Variants in C9orf153 observed in about 807,000 individuals in gnomAD.
The protein encoded by C9orf153 is chromosome 9 open reading frame 153, also known as uncharacterized protein C9orf153.
A neutral mutation model predicts 9.0 loss-of-function variants in C9orf153; 10 were observed. The ratio of observed to expected loss-of-function variants is 1.11; its 90% CI spans 0.69 to 1.89. The LOEUF (loss-of-function observed/expected upper bound fraction) is 1.89, where lower values mean the gene tolerates loss of function less well. Ranked by LOEUF, C9orf153 falls within the 40% of genes most tolerant of loss-of-function variation. The pLI is 0.00. For missense variants in C9orf153, 108 were observed against 111.0 expected (o/e 0.97, Z 0.12); for synonymous variants, 35 against 37.3 (o/e 0.94, Z 0.23).
intron 1 of C9orf153, among the ~76,000 whole-genome samples, chr9:86,231,167 A>G (rs530545089): frequency 1.2e-3 from 189 of 152,310 alleles, no homozygotes; most frequent in African/African-American, 4.3e-3. Flanking sequence ...CAGCAGCATA[A>G]GCAACCTCAG....
intron 1 of C9orf153, among the ~76,000 whole-genome samples, chr9:86,254,331 T>C (rs1825063108): frequency 6.6e-6 from 1 of 152,192 alleles, no homozygotes; most frequent in Non-Finnish European, 1.5e-5. Flanking sequence ...TATTTTCAGA[T>C]TTGCATCTCA....
intron 1 of C9orf153, among the ~76,000 whole-genome samples, chr9:86,231,525 C>T (rs1824468658): frequency 6.7e-6 from 1 of 149,008 alleles, no homozygotes; most frequent in Admixed American, 6.6e-5. Flanking sequence ...CTCTTCCTTC[C>T]TGAGTAAAGT....
intron 1 of C9orf153, among the ~76,000 whole-genome samples, chr9:86,234,551 C>G (rs1824538141): frequency 6.6e-6 from 1 of 152,202 alleles, no homozygotes; most frequent in South Asian, 2.1e-4. Flanking sequence ...AATCCTTACA[C>G]AAAATGAACC....
At chr9:86,249,950 A>G (rs1384669379) in intron 1 of C9orf153, among the ~76,000 whole-genome samples, 2 of 152,148 alleles carry the variant, frequency 1.3e-5, no homozygotes, top group African/African-American at 4.8e-5. Flanking sequence ...TAGGGGGAAA[A>G]CCATAGTGAT....
At position 86,251,914 on chromosome 9, in the gene C9orf153, T is replaced by TACACACACACACACACACACACACAC. The variant is rs34620205; in HGVS notation, c.-27+7610_-27+7635dup. Among the ~76,000 whole-genome samples the TACACACACACACACACACACACACAC allele has an allele frequency of 1.1e-3, 156 of 140,236 alleles. 2 individuals are homozygous for TACACACACACACACACACACACACAC. The highest frequency in any genetic ancestry group is 3.5e-3 in the African/African-American group (124 of 35,912). The allele number at this position is 140,236 out of a possible 152,430, so 92.0% of individuals were successfully genotyped here. A position where few individuals can be genotyped will look rare whatever the true frequency, so the allele number is the denominator to read the frequency against. On this transcript the variant is annotated intron_variant, in intron 1 of 3. Transcript: ENST00000339137. ...GGTTTTTCTTTAGCTTTAGGTAAAC[T>TACACACACACACACACACACACACAC]ACACACACACACACACACACACACA... is the stretch of plus-strand genomic sequence containing the variant.
At chr9:86,241,121 C>T (rs1284818371) in intron 1 of C9orf153, among the ~76,000 whole-genome samples, 1 of 152,134 alleles carries the variant, frequency 6.6e-6, no homozygotes. Flanking sequence ...GAGACAGCCC[C>T]CTCTTTGCTT....
chr9:86,254,644 T>C (rs1048787659), intron 1 of C9orf153, among the ~76,000 whole-genome samples: 35 of 152,228 alleles, frequency 2.3e-4, no homozygotes, highest in African/African-American at 8.0e-4. Context: ...TCTGTTTCCA[T>C]AGAAATGCCT....
chr9:86,247,649 C>T (rs1013967499), intron 1 of C9orf153, among the ~76,000 whole-genome samples: 1 of 152,154 alleles, frequency 6.6e-6, no homozygotes, highest in Non-Finnish European at 1.5e-5. Context: ...CTCTCCACAC[C>T]AGCCTGGACA....
chr9:86,221,332 G>A lies in C9orf153; in HGVS notation c.*356C>T, dbSNP rs142023683. On this transcript the variant is annotated 3_prime_UTR_variant, in exon 4 of 4. Transcript: ENST00000339137. Reference sequence around the variant, plus strand: ...ACTTCTCACGTTAGCAGATTAAATCGGACCTTTTGCTCTGTATTAACGGCT... The same window carrying A: ...ACTTCTCACGTTAGCAGATTAAATCAGACCTTTTGCTCTGTATTAACGGCT... 1.3e-3 allele frequency: 249 copies of A among 192,060 alleles called. 3 individuals are homozygous for A. The highest frequency in any genetic ancestry group is 5.5e-3 in the African/African-American group (235 of 42,976). 11.9% of individuals were successfully genotyped at this position (192,060 alleles called of 1,614,324 possible).
intron 1 of C9orf153, among the ~76,000 whole-genome samples, chr9:86,240,935 C>T (rs7865328): frequency 0.26 from 39,791 of 151,634 alleles, 5,455 homozygotes; most frequent in East Asian, 0.42. Flanking sequence ...TCTGGAGCTC[C>T]TGACCTCATG....
At chr9:86,251,419 G>A (rs746168580) in intron 1 of C9orf153, among the ~76,000 whole-genome samples, 52 of 151,914 alleles carry the variant, frequency 3.4e-4, no homozygotes, top group Non-Finnish European at 5.7e-4. Flanking sequence ...TACTTTCTAG[G>A]TTTTTCACTG....
intron 1 of C9orf153, among the ~76,000 whole-genome samples, chr9:86,237,556 T>C (rs1254056881): frequency 1.3e-5 from 2 of 152,158 alleles, no homozygotes; most frequent in East Asian, 3.8e-4. Context: ...TAGGTGGGAC[T>C]ACATGTGCGT....
At chr9:86,234,321 C>A (rs10868398) in intron 1 of C9orf153, among the ~76,000 whole-genome samples, 24,137 of 152,080 alleles carry the variant, frequency 0.16, 2,241 homozygotes, top group East Asian at 0.46. Context: ...ATGGAGAGAA[C>A]CACAATGTTG....
chr9:86,244,229 C>G (rs7848944), intron 1 of C9orf153, among the ~76,000 whole-genome samples: 1 of 151,918 alleles, frequency 6.6e-6, no homozygotes, highest in African/African-American at 2.4e-5. Flanking sequence ...TATCTTTCAC[C>G]TTTTCTCTTT....
rs561068253 is a variant in C9orf153 at position 86,258,833 on chromosome 9, C to T, written c.-27+717G>A. ...CCCCTTCTCTGCACCATACACACAG[C>T]TTTCCCCTTTTTTTTTTACTACTTA... is the stretch of plus-strand genomic sequence containing the variant. On this transcript the variant is annotated intron_variant, in intron 1 of 3. Coordinates refer to ENST00000339137, the MANE Select transcript of C9orf153 (RefSeq NM_001276366.4). 8.6e-5 allele frequency among the ~76,000 whole-genome samples: 13 copies of T among 150,458 alleles called. No homozygotes were observed. The East Asian group carries it at 2.5e-3, about 29-fold the overall frequency.
chr9:86,244,906 T>C (rs928920313), intron 1 of C9orf153, among the ~76,000 whole-genome samples: 1 of 152,246 alleles, frequency 6.6e-6, no homozygotes, highest in Non-Finnish European at 1.5e-5. Context: ...AAAAGCATCC[T>C]ATAGATATCT....
At chr9:86,240,707 C>CTTTTTTTTTTTTTTTTTTTTTTT (rs367674249) in intron 1 of C9orf153, among the ~76,000 whole-genome samples, 5 of 117,010 alleles carry the variant, frequency 4.3e-5, no homozygotes, top group Non-Finnish European at 7.0e-5. Flanking sequence ...TTTTCTTTTT[C>CTTTTTTTTTTTTTTTTTTTTTTT]TTTTTTTTTT....
chr9:86,231,598 GAT>G (rs148600227), intron 1 of C9orf153, among the ~76,000 whole-genome samples: 125 of 140,502 alleles, frequency 8.9e-4, no homozygotes, highest in Admixed American at 1.4e-3. Flanking sequence ...CACAAACATG[GAT>G]ATATATATAT....
intron 1 of C9orf153, among the ~76,000 whole-genome samples, chr9:86,232,751 G>GAGAT (rs1474859268): frequency 6.6e-6 from 1 of 150,846 alleles, no homozygotes; most frequent in Non-Finnish European, 1.5e-5. Flanking sequence ...TTCTTTTTTT[G>GAGAT]AGATAGAGTC....
Sources: gnomAD v4.1 joint callset for allele counts (sites outside exome capture counted in the v4.1 genomes callset) on GRCh38, gnomAD v4.1.1 for gene constraint, MANE v1.5 for transcripts, NCBI Gene and HGNC (gene_info 2026-07-23, HGNC 2026-07-21) for gene names.